Variants in MAP9 observed in about 807,000 individuals in gnomAD.
The protein encoded by MAP9 is microtubule associated protein 9.
In MAP9, 80 loss-of-function variants were observed where a neutral mutation model predicts 75.2. The observed-to-expected ratio is 1.06, with a 90% confidence interval of 0.89 to 1.28. MAP9 has a LOEUF of 1.28. Ranked by LOEUF, MAP9 falls within the 50% of genes most tolerant of loss-of-function variation. The probability of loss-of-function intolerance (pLI) is 0.00; values close to 1 mark genes in which losing one functional copy is unlikely to be tolerated. For missense variants in MAP9, 753 were observed against 719.9 expected (o/e 1.05, Z -0.53); for synonymous variants, 235 against 237.3 (o/e 0.99, Z 0.09).
At chr4:155,356,002 T>A (rs1731766450) in intron 8 of MAP9, 118 bp from the exon 9 acceptor site, 2 of 902,778 alleles carry the variant, frequency 2.2e-6, no homozygotes, top group African/African-American at 1.7e-5. Flanking sequence ...GGCTCACACC[T>A]GTAATCCCAG....
intron 11 of MAP9, 55 bp downstream of exon 11, chr4:155,353,123 AT>A (rs1460640096): frequency 6.5e-7 from 1 of 1,538,634 alleles, no homozygotes; most frequent in Non-Finnish European, 8.7e-7. Flanking sequence ...ATGGTTAATC[AT>A]TAATTTGGAT....
intron 3 of MAP9, among the ~76,000 whole-genome samples, chr4:155,374,242 A>C (rs902756390): frequency 6.6e-6 from 1 of 152,028 alleles, no homozygotes; most frequent in Non-Finnish European, 1.5e-5. Context: ...AGGAGGCTGA[A>C]GGAGGAGAAT....
In MAP9 at chr4:155,347,177, C is replaced by G. The variant is rs1488318683; in HGVS notation, c.*606G>C. 1.3e-5 allele frequency: 2 copies of G among 152,060 alleles called. No individual in the cohort carries two copies. Among genetic ancestry groups the G allele is most frequent in the Admixed American group, 1.3e-4 (2 of 15,262 alleles). The allele number at this position is 152,060 out of a possible 1,614,324, so 9.4% of individuals were successfully genotyped here. Reference sequence around the variant, plus strand: ...CTATGATTATCACATAAGCCTGGAACAGATAAAGTACACTCATATTAAAAC... The same window carrying G: ...CTATGATTATCACATAAGCCTGGAAGAGATAAAGTACACTCATATTAAAAC... On this transcript the variant is annotated 3_prime_UTR_variant, in exon 14 of 14. Transcript: ENST00000311277.
At chr4:155,366,031 A>T (rs1560813593) in intron 5 of MAP9, among the ~76,000 whole-genome samples, 2 of 152,130 alleles carry the variant, frequency 1.3e-5, no homozygotes, top group African/African-American at 4.8e-5. Context: ...GAATGAGAAA[A>T]TTTTCAAATC....
At chr4:155,363,044 G>C (rs10007738) in intron 5 of MAP9, 51,426 of 151,996 alleles carry the variant, frequency 0.34, 10,320 homozygotes, top group East Asian at 0.58. Context: ...AGGGGACTGA[G>C]TCTAGGACCA....
rs1439226653 is a variant in MAP9, at chr4:155,347,627, C to T, written c.*156G>A. Reference sequence around the variant, plus strand: ...TCTACAGTTCAAAAAAATGCTTTCACTGATTACATTCCAAAGTATTTCTTT... The same window carrying T: ...TCTACAGTTCAAAAAAATGCTTTCATTGATTACATTCCAAAGTATTTCTTT... On this transcript the variant is annotated 3_prime_UTR_variant, in exon 14 of 14. Transcript: ENST00000311277. 1 of 698,686 alleles carries T rather than the reference C, an allele frequency of 1.4e-6. No homozygotes were observed. The highest frequency in any genetic ancestry group is 1.8e-5 in the African/African-American group (1 of 54,372). The allele number at this position is 698,686 out of a possible 1,614,324, so 43.3% of individuals were successfully genotyped here. A position where few individuals can be genotyped will look rare whatever the true frequency, so the allele number is the denominator to read the frequency against.
intron 3 of MAP9, among the ~76,000 whole-genome samples, chr4:155,373,944 T>G (rs1234415690): frequency 6.6e-6 from 1 of 152,236 alleles, no homozygotes; most frequent in Non-Finnish European, 1.5e-5. Flanking sequence ...TTAGATTTAC[T>G]AAGAATCATA....
In MAP9 at chr4:155,374,953, A is replaced by G; in HGVS notation, c.144T>C (p.Phe48=). 6.3e-7 allele frequency: 1 copy of G among 1,589,042 alleles called. No individual in the cohort carries two copies. The highest frequency in any genetic ancestry group is 1.7e-5 in the Admixed American group (1 of 59,468). Residue 48 remains phenylalanine, a synonymous_variant, in exon 3 of 14, where the codon TTT becomes TTC. Transcript: ENST00000311277. ...RQRSSEYSDD[F]DSDEIVSLGD... is the part of the protein sequence containing the mutation. ...GTCACATACCAATCTCATCACTGTC[A>G]AAGTCATCTGAGTATTCAGAACTCC...
At chr4:155,353,366 A>G in intron 10 of MAP9, 26 bp from the exon 11 acceptor site, 1 of 1,509,496 alleles carries the variant, frequency 6.6e-7, no homozygotes, top group Non-Finnish European at 8.8e-7. Context: ...TAATAGAGTG[A>G]TATACATATA....
Position 155,375,980 on chromosome 4 carries a change from CTCTCCCCACAAAGG to C in MAP9, c.-64-80_-64-67del, listed in dbSNP as rs1732822786. On this transcript the variant is annotated intron_variant, in intron 1 of 13. Transcript: ENST00000311277. Reference sequence around the variant, plus strand: ...ATTTATTTTATTACATTTGATTCTACTCTCCCCACAAAGGTCAAAGAAAAGCATCTGATATGAAC... The same window carrying C: ...ATTTATTTTATTACATTTGATTCTACTCAAAGAAAAGCATCTGATATGAAC... 26 of 606,340 alleles carry C rather than the reference CTCTCCCCACAAAGG, an allele frequency of 4.3e-5. 1 individual carries two copies. The East Asian group carries it at 7.1e-4, about 17-fold the overall frequency. The allele number at this position is 606,340 out of a possible 1,614,324, so 37.6% of individuals were successfully genotyped here. A position where few individuals can be genotyped will look rare whatever the true frequency, so the allele number is the denominator to read the frequency against.
chr4:155,368,919 T>A, intron 4 of MAP9, 107 bp from the exon 5 acceptor site: 1 of 880,130 alleles, frequency 1.1e-6, no homozygotes, highest in East Asian at 2.6e-5. Flanking sequence ...CCCTTTGTTC[T>A]CTGTCCTGAA....
rs1160520176 is a variant in MAP9 at position 155,360,211 on chromosome 4, G to T, written c.1007C>A (p.Ser336Tyr). 6.2e-7 allele frequency: 1 copy of T among 1,612,466 alleles called. No homozygotes were observed. Among genetic ancestry groups the T allele is most frequent in the Non-Finnish European group, 8.5e-7 (1 of 1,178,918 alleles). ...ACTGGTAGATATTAAGATACTCTGA[G>T]ATTTAGATAGTAGTGGATCAACTGT... is the stretch of plus-strand genomic sequence containing the variant. ...DRTVDPLLSK[S>Y]QSILISTSAT... Residue 336 changes from serine to tyrosine, a missense_variant, in exon 7 of 14, where the codon TCT (serine) becomes TAT (tyrosine). By Grantham distance (144) the Ser-to-Tyr change is moderately radical. Transcript: ENST00000311277.
In MAP9 at chr4:155,342,911, G is replaced by A. The variant is rs575883629; in HGVS notation, c.*4872C>T. ...TTATTTAATTTTATAGCTTTAATGCGGTCCATCATTTCTAATAATGATATT... is the reference window on the plus strand; with the variant it reads ...TTATTTAATTTTATAGCTTTAATGCAGTCCATCATTTCTAATAATGATATT... On this transcript the variant is annotated 3_prime_UTR_variant, in exon 14 of 14. Coordinates refer to ENST00000311277, the MANE Select transcript of MAP9 (RefSeq NM_001039580.2). The A allele has an allele frequency of 2.1e-4, 32 of 150,424 alleles. No individual in the cohort carries two copies. In the East Asian group the frequency reaches 3.5e-3, roughly 16 times the overall value. The allele number at this position is 150,424 out of a possible 1,614,324, so 9.3% of individuals were successfully genotyped here.
intron 4 of MAP9, among the ~76,000 whole-genome samples, chr4:155,371,542 T>C (rs1732595224): frequency 6.6e-6 from 1 of 151,952 alleles, no homozygotes. Flanking sequence ...ATGCCTATAC[T>C]TTAAGAAAAG....
At position 155,353,319 on chromosome 4, in the gene MAP9, C is replaced by CTT. The variant is rs774376485; in HGVS notation, c.1400_1401dup (p.Glu468LysfsTer4). ...CAGGCCTCAAATGATGCTAATGCTT[C>CTT]TTCTCTTTTAGCAGCTTTTTTCTAC... On this transcript the variant is annotated frameshift_variant, in exon 11 of 14. Transcript: ENST00000311277. LOFTEE classifies it high-confidence loss of function. 6.3e-7 allele frequency: 1 copy of CTT among 1,575,092 alleles called. No homozygotes were observed. The highest frequency in any genetic ancestry group is 1.2e-5 in the South Asian group (1 of 82,092).
chr4:155,364,061 C>G (rs1201305117), intron 5 of MAP9, among the ~76,000 whole-genome samples: 1 of 151,900 alleles, frequency 6.6e-6, no homozygotes, highest in Admixed American at 6.6e-5. Flanking sequence ...TTGCTGTAAT[C>G]AAAAGATAAA....
chr4:155,349,929 G>A (rs17377463), intron 13 of MAP9: 106,418 of 178,932 alleles, frequency 0.59, 32,666 homozygotes, highest in East Asian at 0.79. Context: ...TGTAATATCA[G>A]TTCAAAAGAA....
chr4:155,352,502 A>G, intron 13 of MAP9, 94 bp downstream of exon 13: 1 of 1,229,276 alleles, frequency 8.1e-7, no homozygotes, highest in Non-Finnish European at 1.1e-6. Context: ...AGAAATGATC[A>G]GTAGGTCTGG....
chr4:155,347,173 G>A lies in MAP9; in HGVS notation c.*610C>T, dbSNP rs1233498122. 3 of 152,058 alleles carry A rather than the reference G, an allele frequency of 2.0e-5. No individual in the cohort carries two copies. Among genetic ancestry groups the A allele is most frequent in the Non-Finnish European group, 2.9e-5 (2 of 68,014 alleles). The allele number at this position is 152,058 out of a possible 1,614,324, so 9.4% of individuals were successfully genotyped here. On this transcript the variant is annotated 3_prime_UTR_variant, in exon 14 of 14. Transcript: ENST00000311277. ...GTACCTATGATTATCACATAAGCCT[G>A]GAACAGATAAAGTACACTCATATTA...
Sources: allele counts gnomAD v4.1 joint callset (sites outside exome capture counted in the v4.1 genomes callset), GRCh38; gene constraint gnomAD v4.1.1; transcripts MANE v1.5; gene names NCBI Gene and HGNC (gene_info 2026-07-23, HGNC 2026-07-21).